CSGALNACT1: variants seen among roughly 807,000 people sequenced by gnomAD.
CSGALNACT1 encodes the protein beta4GalNAcT-1.
Under a neutral mutation model 51.0 loss-of-function variants are expected in CSGALNACT1, and 52 were observed. The ratio of observed to expected loss-of-function variants is 1.02; its 90% CI spans 0.82 to 1.29. CSGALNACT1 has a LOEUF of 1.29. CSGALNACT1 is among the 50% of genes most tolerant of loss of function. CSGALNACT1 has a pLI of 0.00. For synonymous variants in CSGALNACT1, 341 were observed against 254.4 expected, an observed-to-expected ratio of 1.34 and a Z score of -3.24; for missense variants, 935 against 679.2, an observed-to-expected ratio of 1.38 and a Z score of -4.19.
chr8:19,528,646 C>T (rs943939318), intron 3 of CSGALNACT1, among the ~76,000 whole-genome samples: 2 of 152,134 alleles, frequency 1.3e-5, no homozygotes, highest in Non-Finnish European at 2.9e-5. Flanking sequence ...AACCCACCCC[C>T]AAATCATCCA....
intron 3 of CSGALNACT1, among the ~76,000 whole-genome samples, chr8:19,570,331 G>A (rs912709870): frequency 1.3e-5 from 2 of 152,094 alleles, no homozygotes; most frequent in South Asian, 2.1e-4. Flanking sequence ...TTTGCTGATG[G>A]CTATAATTTG....
intron 4 of CSGALNACT1, among the ~76,000 whole-genome samples, chr8:19,477,303 T>A (rs2069971567): frequency 6.6e-6 from 1 of 152,100 alleles, no homozygotes; most frequent in South Asian, 2.1e-4. Context: ...GGACAAAGAT[T>A]TTCCTCAGAA....
intron 1 of CSGALNACT1, among the ~76,000 whole-genome samples, chr8:19,709,702 G>C (rs112589768): frequency 2.7e-4 from 41 of 152,292 alleles, no homozygotes; most frequent in African/African-American, 9.4e-4. Context: ...GAGGGCATTA[G>C]GCACTATGGA....
intron 1 of CSGALNACT1, among the ~76,000 whole-genome samples, chr8:19,626,157 C>T (rs2154166140): frequency 6.6e-6 from 1 of 152,082 alleles, no homozygotes; most frequent in South Asian, 2.1e-4. Context: ...ATCACAATAC[C>T]CAGTTTTAAG....
At chr8:19,532,472 A>T (rs530555397) in intron 3 of CSGALNACT1, among the ~76,000 whole-genome samples, 5 of 152,272 alleles carry the variant, frequency 3.3e-5, no homozygotes, top group Non-Finnish European at 5.9e-5. Flanking sequence ...TCTCTGCTTT[A>T]GGTTCCTATC....
At chr8:19,633,012 C>T (rs2055509595) in intron 1 of CSGALNACT1, among the ~76,000 whole-genome samples, 2 of 151,588 alleles carry the variant, frequency 1.3e-5, no homozygotes, top group African/African-American at 2.4e-5. Flanking sequence ...AAGGGATCTG[C>T]CCACCTCAGC....
intron 2 of CSGALNACT1, among the ~76,000 whole-genome samples, chr8:19,598,135 G>C (rs2049374058): frequency 6.6e-6 from 1 of 152,320 alleles, no homozygotes; most frequent in African/African-American, 2.4e-5. Flanking sequence ...CTTGGAGGTA[G>C]AACCCAACTC....
intron 3 of CSGALNACT1, among the ~76,000 whole-genome samples, chr8:19,535,542 T>C (rs755754159): frequency 6.0e-4 from 92 of 152,188 alleles, no homozygotes; most frequent in Non-Finnish European, 1.8e-4. Flanking sequence ...TAAATGTCCA[T>C]TAATAACAAT....
At chr8:19,609,712 C>T (rs1262609486) in intron 1 of CSGALNACT1, among the ~76,000 whole-genome samples, 4 of 151,908 alleles carry the variant, frequency 2.6e-5, no homozygotes, top group African/African-American at 4.8e-5. Flanking sequence ...AGATTACTGA[C>T]GGGCACATGA....
chr8:19,721,376 C>T (rs1312661810), intron 1 of CSGALNACT1, among the ~76,000 whole-genome samples: 2 of 152,202 alleles, frequency 1.3e-5, no homozygotes, highest in Non-Finnish European at 1.5e-5. Flanking sequence ...TCACTGTTTG[C>T]ACTCTGAAAT....
intron 4 of CSGALNACT1, among the ~76,000 whole-genome samples, chr8:19,475,273 G>T (rs894414165): frequency 2.0e-5 from 3 of 152,304 alleles, no homozygotes; most frequent in African/African-American, 7.2e-5. Context: ...AGAGAATGCA[G>T]TAAGACCTGA....
Position 19,631,109 on chromosome 8 carries a change from G to C in CSGALNACT1, c.-543-29244C>G, listed in dbSNP as rs550033012. On this transcript the variant is annotated intron_variant, in intron 1 of 9. Transcript: ENST00000332246. Reference sequence around the variant, plus strand: ...TGGTCTATCCATGCATCTCCTGAAGGACATTTTGGTTACTTCCAAATTTTG... The same window carrying C: ...TGGTCTATCCATGCATCTCCTGAAGCACATTTTGGTTACTTCCAAATTTTG... Among the ~76,000 whole-genome samples the C allele has an allele frequency of 2.0e-5, 3 of 152,242 alleles. No individual in the cohort carries two copies. In the East Asian group the frequency reaches 5.8e-4, roughly 29 times the overall value.
intron 3 of CSGALNACT1, among the ~76,000 whole-genome samples, chr8:19,516,639 C>T (rs750581849): frequency 6.6e-6 from 1 of 152,238 alleles, no homozygotes; most frequent in Non-Finnish European, 1.5e-5. Flanking sequence ...TCTGTCCCTG[C>T]AACTAGGGCC....
At chr8:19,584,983 C>T (rs895274385) in intron 3 of CSGALNACT1, among the ~76,000 whole-genome samples, 1 of 152,152 alleles carries the variant, frequency 6.6e-6, no homozygotes, top group African/African-American at 2.4e-5. Context: ...AATTCTAGTC[C>T]TATCACTGTC....
chr8:19,470,828 G>T (rs556814732), intron 4 of CSGALNACT1, among the ~76,000 whole-genome samples: 1 of 152,286 alleles, frequency 6.6e-6, no homozygotes, highest in African/African-American at 2.4e-5. Context: ...GGACGTGGTG[G>T]TTCACGCCTA....
chr8:19,416,446 C>A (rs1249421304), intron 8 of CSGALNACT1, among the ~76,000 whole-genome samples: 2 of 151,262 alleles, frequency 1.3e-5, no homozygotes, highest in African/African-American at 4.9e-5. Flanking sequence ...TTTAGTGTCA[C>A]CTAAGTCTAC....
intron 1 of CSGALNACT1, among the ~76,000 whole-genome samples, chr8:19,643,591 C>A (rs534551113): frequency 9.2e-4 from 139 of 151,112 alleles, no homozygotes; most frequent in Middle Eastern, 6.8e-3. Context: ...TAAGCCAAGA[C>A]TGCACCACTG....
chr8:19,408,722 G>T, intron 8 of CSGALNACT1, 28 bp from the exon 8 acceptor site: 1 of 1,604,646 alleles, frequency 6.2e-7, no homozygotes, highest in Non-Finnish European at 8.5e-7. Flanking sequence ...TCATTTGAGG[G>T]GAAAGTTTAG....
At chr8:19,588,166 G>C (rs2047049520) in intron 3 of CSGALNACT1, 2 of 151,898 alleles carry the variant, frequency 1.3e-5, no homozygotes, top group Non-Finnish European at 2.9e-5. Context: ...TTACACTCTA[G>C]CCTAGGTGAC....
Sources: gnomAD v4.1 joint callset for allele counts (sites outside exome capture counted in the v4.1 genomes callset) on GRCh38, gnomAD v4.1.1 for gene constraint, MANE v1.5 for transcripts, NCBI Gene and HGNC (gene_info 2026-07-23, HGNC 2026-07-21) for gene names.